SH3KBP1: variants seen among roughly 807,000 people sequenced by gnomAD.
The protein encoded by SH3KBP1 is SH3 domain-containing kinase-binding protein 1.
SH3KBP1 carries 8 observed loss-of-function variants against 50.1 expected under a neutral mutation model. The observed-to-expected ratio is 0.16, with a 90% CI of 0.09 to 0.29. The LOEUF is 0.29. Ranked by LOEUF, SH3KBP1 falls within the 10% of genes least tolerant of loss-of-function variation. The pLI, the probability that SH3KBP1 is intolerant of heterozygous loss-of-function variation, is 1.00. For synonymous variants in SH3KBP1, 227 were observed against 218.6 expected (o/e 1.04, Z -0.34); for missense variants, 377 against 535.2 (o/e 0.70, Z 2.92).
chrX:19,579,632 C>T (rs2066303650), intron 12 of SH3KBP1, among the ~76,000 whole-genome samples: 1 of 112,096 alleles, frequency 8.9e-6, no homozygotes, highest in Non-Finnish European at 1.9e-5. Flanking sequence ...GAGGCTAAAT[C>T]CCATCACTAT....
At chrX:19,745,345 G>A (rs900796085) in intron 3 of SH3KBP1, among the ~76,000 whole-genome samples, 6 of 112,409 alleles carry the variant, frequency 5.3e-5, no homozygotes, top group Non-Finnish European at 9.4e-5. Flanking sequence ...GGCAGTAGAG[G>A]AAGAGACAGA....
intron 1 of SH3KBP1, among the ~76,000 whole-genome samples, chrX:19,873,291 TATATATATATATATATATATACATATAC>T (rs2069117701): frequency 1.4e-5 from 1 of 72,017 alleles, no homozygotes; most frequent in South Asian, 6.0e-4. Context: ...TATATATATG[TATATATATATATATATATATACATATAC>T]ATATATATAC....
At chrX:19,553,054 G>A (rs1388173028) in intron 13 of SH3KBP1, among the ~76,000 whole-genome samples, 3 of 111,603 alleles carry the variant, frequency 2.7e-5, no homozygotes, top group Non-Finnish European at 5.7e-5. Flanking sequence ...CGAAAATGGT[G>A]GCCAAAGGCT....
chrX:19,702,926 T>C (rs1436099117), intron 4 of SH3KBP1, among the ~76,000 whole-genome samples: 1 of 112,652 alleles, frequency 8.9e-6, no homozygotes, highest in Non-Finnish European at 1.9e-5. Flanking sequence ...TCCTTTTGAA[T>C]TGGCAGTCTG....
chrX:19,835,435 G>A (rs2068033131), intron 2 of SH3KBP1, among the ~76,000 whole-genome samples: 1 of 111,260 alleles, frequency 9.0e-6, no homozygotes, highest in Admixed American at 9.6e-5. Flanking sequence ...CACCATGTCT[G>A]GCTGAATTCT....
chrX:19,756,755 T>C (rs1021457763), intron 2 of SH3KBP1, among the ~76,000 whole-genome samples: 2 of 110,722 alleles, frequency 1.8e-5, no homozygotes, highest in Non-Finnish European at 3.8e-5. Context: ...AACATAAATG[T>C]GTATCAGTAG....
chrX:19,805,433 T>G (rs767580674), intron 2 of SH3KBP1, among the ~76,000 whole-genome samples: 1 of 110,280 alleles, frequency 9.1e-6, no homozygotes, highest in South Asian at 3.9e-4. Context: ...CTTGAAACTT[T>G]TTAAAGATTC....
intron 3 of SH3KBP1, among the ~76,000 whole-genome samples, chrX:19,721,004 C>T (rs1041174138): frequency 4.5e-5 from 5 of 111,174 alleles, no homozygotes; most frequent in Non-Finnish European, 7.5e-5. Context: ...TCCACATGTA[C>T]CCTCTCTTTT....
intron 12 of SH3KBP1, among the ~76,000 whole-genome samples, chrX:19,584,814 G>A (rs1167815103): frequency 4.5e-5 from 5 of 112,050 alleles, no homozygotes; most frequent in South Asian, 3.7e-4. Flanking sequence ...GCGTGAGCCC[G>A]GACGCTGCAG....
intron 1 of SH3KBP1, among the ~76,000 whole-genome samples, chrX:19,842,621 T>C (rs1452680043): frequency 9.0e-6 from 1 of 110,655 alleles, no homozygotes; most frequent in Non-Finnish European, 1.9e-5. Flanking sequence ...AGACTGTGTT[T>C]GTGCCCTAGC....
At chrX:19,551,269 T>TC (rs1440395940) in intron 13 of SH3KBP1, among the ~76,000 whole-genome samples, 1 of 111,196 alleles carries the variant, frequency 9.0e-6, no homozygotes, top group Non-Finnish European at 1.9e-5. Context: ...AGGTTAACCA[T>TC]CCGCAGAGAT....
intron 5 of SH3KBP1, among the ~76,000 whole-genome samples, chrX:19,684,927 A>G (rs970360113): frequency 8.9e-6 from 1 of 112,288 alleles, no homozygotes; most frequent in African/African-American, 3.2e-5. Context: ...TCATGTTCCT[A>G]AAAGGAAGAG....
chrX:19,680,380 CAAAAAAA>C (rs763413288), intron 6 of SH3KBP1, among the ~76,000 whole-genome samples: 8 of 37,789 alleles, frequency 2.1e-4, no homozygotes, highest in African/African-American at 2.6e-4. Flanking sequence ...ACTCTTGTTT[CAAAAAAA>C]AAAAAAAAAA....
At chrX:19,705,932 T>C (rs2063643610) in intron 4 of SH3KBP1, among the ~76,000 whole-genome samples, 1 of 111,854 alleles carries the variant, frequency 8.9e-6, no homozygotes, top group Admixed American at 9.5e-5. Context: ...TCTTTCACAA[T>C]TCTCTTCAGG....
chrX:19,579,016 A>G (rs2066284904), intron 12 of SH3KBP1, among the ~76,000 whole-genome samples: 1 of 111,637 alleles, frequency 9.0e-6, no homozygotes, highest in Non-Finnish European at 1.9e-5. Flanking sequence ...AAAAAGTGGT[A>G]CCATTTAAAT....
At chrX:19,709,779 C>A (rs1164330891) in intron 3 of SH3KBP1, among the ~76,000 whole-genome samples, 1 of 111,950 alleles carries the variant, frequency 8.9e-6, no homozygotes, top group Non-Finnish European at 1.9e-5. Context: ...AAGGGGGATG[C>A]TTGAAGTTGG....
intron 2 of SH3KBP1, among the ~76,000 whole-genome samples, chrX:19,776,371 G>C (rs60836869): frequency 1.8e-5 from 2 of 109,421 alleles, no homozygotes; most frequent in Admixed American, 2.0e-4. Flanking sequence ...ACTCCCTGGA[G>C]AAAACCCTCA....
At chrX:19,557,361 T>C (rs917395976) in intron 13 of SH3KBP1, among the ~76,000 whole-genome samples, 1 of 112,439 alleles carries the variant, frequency 8.9e-6, no homozygotes, top group Admixed American at 9.4e-5. Flanking sequence ...AACTTCTACA[T>C]CAAAACGTGT....
At chrX:19,613,870 G>A (rs926230535) in intron 8 of SH3KBP1, among the ~76,000 whole-genome samples, 2 of 112,572 alleles carry the variant, frequency 1.8e-5, no homozygotes, top group Middle Eastern at 9.1e-3. Flanking sequence ...CCCTAGTGAC[G>A]AAAGCTCCCT....
Sources: gnomAD v4.1 joint callset for allele counts (sites outside exome capture counted in the v4.1 genomes callset) on GRCh38, gnomAD v4.1.1 for gene constraint, MANE v1.5 for transcripts, NCBI Gene and HGNC (gene_info 2026-07-23, HGNC 2026-07-21) for gene names.